SCN9A: variants seen among roughly 807,000 people sequenced by gnomAD.
SCN9A encodes the protein sodium voltage-gated channel alpha subunit 9.
SCN9A carries 131 observed loss-of-function variants against 187.0 expected under a neutral mutation model. The observed-to-expected ratio is 0.70, with a 90% CI of 0.61 to 0.81. The LOEUF is 0.81. Among genes scored for constraint, SCN9A ranks in the 30% least tolerant of loss-of-function variants. The pLI, the probability that SCN9A is intolerant of heterozygous loss-of-function variation, is 0.00. For missense variants in SCN9A, 2,252 were observed against 2,396.6 expected (o/e 0.94, Z 1.26); for synonymous variants, 809 against 808.6 (o/e 1.00, Z -0.01).
chr2:166,265,469 A>G (rs1231110370), intron 17 of SCN9A, among the ~76,000 whole-genome samples: 1 of 151,970 alleles, frequency 6.6e-6, no homozygotes, highest in Admixed American at 6.6e-5. Flanking sequence ...TTAGGTTAAT[A>G]TGATAACTTG....
At position 166,281,823 on chromosome 2, in the gene SCN9A, A is replaced by C; in HGVS notation, c.1975-15T>G. On this transcript the variant is annotated splice_polypyrimidine_tract_variant and intron_variant, in intron 12 of 26. Coordinates refer to ENST00000642356, the MANE Select transcript of SCN9A (RefSeq NM_001365536.1). ...TTGGTCGTGCCCTAAAAAAAAAATC[A>C]ATTAATGTCTTAAGAACAGAATCCT... 1 of 1,600,260 alleles carries C rather than the reference A, an allele frequency of 6.2e-7. No homozygotes were observed. Among genetic ancestry groups the C allele is most frequent in the Non-Finnish European group, 8.5e-7 (1 of 1,174,000 alleles).
At chr2:166,336,557 G>A (rs755361509) in intron 1 of SCN9A, among the ~76,000 whole-genome samples, 3 of 152,106 alleles carry the variant, frequency 2.0e-5, no homozygotes, top group Non-Finnish European at 2.9e-5. Context: ...AGAAACCTAT[G>A]CTTAGACCAC....
intron 17 of SCN9A, among the ~76,000 whole-genome samples, chr2:166,269,227 C>G (rs1696871889): frequency 6.6e-6 from 1 of 151,806 alleles, no homozygotes; most frequent in East Asian, 1.9e-4. Context: ...TTCGGAAGGG[C>G]TCATGGAATA....
At chr2:166,288,120 T>TATATACAC (rs56738765) in intron 10 of SCN9A, among the ~76,000 whole-genome samples, 2 of 135,558 alleles carry the variant, frequency 1.5e-5, no homozygotes, top group African/African-American at 2.7e-5. Context: ...TATATATATA[T>TATATACAC]ACACACACAT....
intron 7 of SCN9A, among the ~76,000 whole-genome samples, chr2:166,297,217 A>AAAAAAAAAAAAAAAAAAAAAAAAAAC (rs1698351653): frequency 6.9e-6 from 1 of 144,910 alleles, no homozygotes; most frequent in Non-Finnish European, 1.5e-5. Context: ...AAAAAAAAAA[A>AAAAAAAAAAAAAAAAAAAAAAAAAAC]AAAAAAAAAA....
At chr2:166,296,670 T>C (rs1698314416) in intron 7 of SCN9A, among the ~76,000 whole-genome samples, 1 of 152,218 alleles carries the variant, frequency 6.6e-6, no homozygotes, top group Non-Finnish European at 1.5e-5. Context: ...ACTGCTATAC[T>C]ACTGTATTTA....
At position 166,198,768 on chromosome 2, in the gene SCN9A, T is replaced by C. The variant is rs1307552466; in HGVS notation, c.5871A>G (p.Ser1957=). The change falls in exon 27 of 27, where the codon TCA becomes TCG. Residue 1957 remains serine, a synonymous_variant. Transcript: ENST00000642356. ...TGTCTGGCTTTGTTACACTATCATATGAAGGTGGAGAGGTGGTGGATGAAG... is the reference window on the plus strand; with the variant it reads ...TGTCTGGCTTTGTTACACTATCATACGAAGGTGGAGAGGTGGTGGATGAAG... ...DATSSTTSPP[S]YDSVTKPDKE... 1.2e-6 allele frequency: 2 copies of C among 1,613,628 alleles called. No individual in the cohort carries two copies. The highest frequency in any genetic ancestry group is 2.2e-5 in the South Asian group (2 of 91,036).
intron 1 of SCN9A, among the ~76,000 whole-genome samples, chr2:166,358,665 AATT>A (rs1271617779): frequency 6.6e-6 from 1 of 152,106 alleles, no homozygotes; most frequent in Non-Finnish European, 1.5e-5. Flanking sequence ...ATTTTAATTA[AATT>A]GAATTCACCA....
chr2:166,306,969 T>A lies in SCN9A; in HGVS notation c.364A>T (p.Ile122Phe). 6.3e-7 allele frequency: 1 copy of A among 1,578,756 alleles called. No individual in the cohort carries two copies. Among genetic ancestry groups the A allele is most frequent in the Non-Finnish European group, 8.7e-7 (1 of 1,148,900 alleles). Residue 122 changes from isoleucine (I) to phenylalanine (F), a missense_variant, in exon 3 of 27, where the codon ATT becomes TTT. By Grantham distance (21) the Ile-to-Phe change is conservative (BLOSUM62 0). Around this residue, in one of 7 missense-constraint regions of SCN9A, gnomAD observed 1,013 missense variants for 997.4 expected, o/e 1.02. Coordinates refer to ENST00000642356, the MANE Select transcript of SCN9A (RefSeq NM_001365536.1). Reference sequence around the variant, plus strand: ...TTAAAAGGATATGAGTGTACTAAAATCTTAATAGATATTCTTCTTAGAGGA... The same window carrying A: ...TTAAAAGGATATGAGTGTACTAAAAACTTAATAGATATTCTTCTTAGAGGA... Reference protein sequence around the residue: ...FSPLRRISIKILVHSLFSMLI... With the variant: ...FSPLRRISIKFLVHSLFSMLI...
chr2:166,310,918 T>TA (rs529983093), intron 2 of SCN9A, among the ~76,000 whole-genome samples: 3,950 of 48,434 alleles, frequency 0.082, 199 homozygotes, highest in Middle Eastern at 0.13. Context: ...TATGCAGCCA[T>TA]AAAAAATGAT....
chr2:166,308,489 T>C (rs1266637880), intron 2 of SCN9A, among the ~76,000 whole-genome samples: 1 of 152,178 alleles, frequency 6.6e-6, no homozygotes, highest in Non-Finnish European at 1.5e-5. Context: ...CATGTTAAGA[T>C]GTGCCTTGCT....
At chr2:166,311,306 G>C (rs1316045772) in intron 2 of SCN9A, among the ~76,000 whole-genome samples, 193 bp downstream of exon 2, 1 of 107,762 alleles carries the variant, frequency 9.3e-6, no homozygotes, top group Non-Finnish European at 1.8e-5. Flanking sequence ...TGAAAAATTT[G>C]AAAAAGTACA....
At position 166,294,641 on chromosome 2, in the gene SCN9A, C is replaced by A. The variant is rs2106506537; in HGVS notation, c.923G>T (p.Gly308Val). 1 of 1,608,272 alleles carries A rather than the reference C, an allele frequency of 6.2e-7. No homozygotes were observed. The highest frequency in any genetic ancestry group is 8.5e-7 in the Non-Finnish European group (1 of 1,176,608). The change falls in exon 8 of 27, where the codon GGA (glycine) becomes GTA (valine). Residue 308 changes from glycine to valine, a missense_variant. By Grantham distance (109) the Gly-to-Val change is moderately radical. This residue lies in a region of SCN9A where 1,013 missense variants were observed against 997.4 expected (regional missense o/e 1.02). Coordinates refer to ENST00000642356, the MANE Select transcript of SCN9A (RefSeq NM_001365536.1). ...ACCACAAAGGAGAGCATCTTTGGAT[C>A]CTTCCAAGTAATAAAAATATTCTGT... ...DFRKYFYYLE[G>V]SKDALLCGFS...
intron 23 of SCN9A, 79 bp downstream of exon 23, chr2:166,227,591 A>G: frequency 1.2e-6 from 1 of 834,676 alleles, no homozygotes; most frequent in Non-Finnish European, 2.0e-6. Flanking sequence ...GGCTTCATGA[A>G]GTTATAGTTT....
intron 24 of SCN9A, among the ~76,000 whole-genome samples, chr2:166,213,073 G>C (rs75378948): frequency 0.086 from 13,072 of 151,882 alleles, 597 homozygotes; most frequent in African/African-American, 0.11. Flanking sequence ...ACATGTCTAG[G>C]AACTAGAAAA....
intron 24 of SCN9A, among the ~76,000 whole-genome samples, chr2:166,219,441 C>A (rs746211732): frequency 1.3e-5 from 2 of 151,954 alleles, no homozygotes; most frequent in Non-Finnish European, 2.9e-5. Flanking sequence ...GAGCTGGAGG[C>A]CATTTTCATT....
intron 19 of SCN9A, among the ~76,000 whole-genome samples, chr2:166,240,325 A>G (rs1695510006): frequency 6.6e-6 from 1 of 152,172 alleles, no homozygotes; most frequent in South Asian, 2.1e-4. Context: ...ATAGGTAAAC[A>G]CGTGTCATGG....
At chr2:166,288,361 G>C in intron 10 of SCN9A, 76 bp downstream of exon 10, 1 of 1,124,766 alleles carries the variant, frequency 8.9e-7, no homozygotes, top group Non-Finnish European at 1.3e-6. Context: ...AGAAGGCCAA[G>C]CATATACCGC....
At chr2:166,212,919 T>A (rs1694160437) in intron 24 of SCN9A, among the ~76,000 whole-genome samples, 1 of 151,958 alleles carries the variant, frequency 6.6e-6, no homozygotes, top group African/African-American at 2.4e-5. Flanking sequence ...ATAGGAAAAT[T>A]TAAAAGTATC....
Sources: allele counts gnomAD v4.1 joint callset (sites outside exome capture counted in the v4.1 genomes callset), GRCh38; gene constraint gnomAD v4.1.1; regional missense constraint gnomAD v4.1.1; transcripts MANE v1.5; gene names NCBI Gene and HGNC (gene_info 2026-07-23, HGNC 2026-07-21).